Variants in SOD2 observed in about 807,000 individuals in gnomAD.
SOD2 encodes superoxide dismutase [Mn], mitochondrial.
Under a neutral mutation model 27.0 loss-of-function variants are expected in SOD2, and 11 were observed. The ratio of observed to expected loss-of-function variants is 0.41; its 90% CI spans 0.26 to 0.67. SOD2 has a LOEUF of 0.67. Among genes scored for constraint, SOD2 ranks in the 30% least tolerant of loss-of-function variants. The pLI is 0.34. For missense variants in SOD2, 250 were observed against 274.5 expected (o/e 0.91, Z 0.63); for synonymous variants, 105 against 103.0 (o/e 1.02, Z -0.12).
chr6:159,701,123 C>T (rs1777516100), intron 1 of SOD2, among the ~76,000 whole-genome samples: 1 of 152,152 alleles, frequency 6.6e-6, no homozygotes, highest in Non-Finnish European at 1.5e-5. Context: ...CACCTGCTTC[C>T]TCTCCAGGCC....
At chr6:159,729,357 C>T (rs759676724), upstream of SOD2, among the ~76,000 whole-genome samples, 3 of 152,108 alleles carry the variant, frequency 2.0e-5, no homozygotes, top group Non-Finnish European at 2.9e-5. Flanking sequence ...AAATATTTTG[C>T]TTCTTGTAGT....
At chr6:159,701,726 T>G (rs1777526204) in intron 1 of SOD2, among the ~76,000 whole-genome samples, 2 of 152,198 alleles carry the variant, frequency 1.3e-5, no homozygotes, top group African/African-American at 4.8e-5. Flanking sequence ...TAGTCACACA[T>G]CAGTGCTATG....
intron 2 of SOD2, 40 bp from the exon 3 acceptor site, chr6:159,688,282 T>C (rs917902268): frequency 8.2e-7 from 1 of 1,218,908 alleles, no homozygotes; most frequent in African/African-American, 1.5e-5. Flanking sequence ...TTGTAACTCC[T>C]ACTTTTTCAA....
intron 1 of SOD2, among the ~76,000 whole-genome samples, chr6:159,700,166 G>A (rs1335209075): frequency 6.6e-6 from 1 of 152,216 alleles, no homozygotes; most frequent in African/African-American, 2.4e-5. Flanking sequence ...TCAGTTAGAT[G>A]TGGACAAAAC....
At chr6:159,732,561 G>A (rs549347438) in intron 1 of SOD2, among the ~76,000 whole-genome samples, 1 of 152,208 alleles carries the variant, frequency 6.6e-6, no homozygotes, top group Non-Finnish European at 1.5e-5. Flanking sequence ...TTGGCCGGGC[G>A]CAGTAGCTTA....
chr6:159,707,586 A>G (rs1562434883), intron 1 of SOD2, among the ~76,000 whole-genome samples: 1 of 152,226 alleles, frequency 6.6e-6, no homozygotes, highest in Non-Finnish European at 1.5e-5. Context: ...GAATCTCTGA[A>G]TAGACCAATA....
rs1779734200 is a variant in SOD2 at position 159,674,559 on chromosome 6, A to C, written c.*7934T>G. 6.6e-6 allele frequency: 1 copy of C among 152,248 alleles called. No homozygotes were observed. Among genetic ancestry groups the C allele is most frequent in the Non-Finnish European group, 1.5e-5 (1 of 68,044 alleles). 9.4% of individuals were successfully genotyped at this position (152,248 alleles called of 1,614,324 possible). Reference sequence around the variant, plus strand: ...CAAAATTCAACAGCCCTTCATGCTAAAAACTCTCAATGAATTAGGTATTGA... The same window carrying C: ...CAAAATTCAACAGCCCTTCATGCTACAAACTCTCAATGAATTAGGTATTGA... On this transcript the variant is annotated 3_prime_UTR_variant, in exon 5 of 5. Coordinates refer to ENST00000538183, the MANE Select transcript of SOD2 (RefSeq NM_000636.4).
intron 1 of SOD2, among the ~76,000 whole-genome samples, chr6:159,753,054 T>C (rs1291021338): frequency 6.6e-6 from 1 of 152,250 alleles, no homozygotes; most frequent in African/African-American, 2.4e-5. Context: ...TATTTGTGAT[T>C]GATGTTGCAT....
At chr6:159,690,097 G>A (rs748055271) in intron 2 of SOD2, among the ~76,000 whole-genome samples, 27 of 150,514 alleles carry the variant, frequency 1.8e-4, no homozygotes, top group Non-Finnish European at 3.4e-4. Context: ...CAGCCTGGAC[G>A]ACATGGAAAA....
At chr6:159,738,831 TA>T (rs373027980) in intron 1 of SOD2, among the ~76,000 whole-genome samples, 8,355 of 145,696 alleles carry the variant, frequency 0.057, 385 homozygotes, top group African/African-American at 0.13. Context: ...TAGTTTACCT[TA>T]AAAAAAAAAA....
At chr6:159,760,884 A>C (rs2114969929) in intron 1 of SOD2, 1 of 152,350 alleles carries the variant, frequency 6.6e-6, no homozygotes, top group South Asian at 2.1e-4. Context: ...ATTGAAGACA[A>C]CTGAAGAGAC....
intron 4 of SOD2, among the ~76,000 whole-genome samples, chr6:159,683,045 C>T (rs1350962211): frequency 6.6e-6 from 1 of 152,134 alleles, no homozygotes; most frequent in Non-Finnish European, 1.5e-5. Flanking sequence ...GGTCTGGGCA[C>T]TCACAGGGGT....
intron 1 of SOD2, chr6:159,754,955 G>GT (rs1779950818): frequency 7.1e-7 from 1 of 1,413,702 alleles, no homozygotes; most frequent in African/African-American, 1.4e-5. Context: ...CCCTTGCTTT[G>GT]TGGCAGGCAC....
intron 1 of SOD2, among the ~76,000 whole-genome samples, chr6:159,708,885 C>A (rs1217808842): frequency 8.5e-5 from 13 of 152,186 alleles, no homozygotes; most frequent in Non-Finnish European, 1.6e-4. Flanking sequence ...ACTACAGTAA[C>A]CAAAACAGCA....
chr6:159,726,857 A>G (rs773148437), intron 1 of SOD2: 14 of 1,289,094 alleles, frequency 1.1e-5, no homozygotes, highest in Non-Finnish European at 1.4e-5. Flanking sequence ...CTTACAGGTG[A>G]GCTTCTGCTA....
At chr6:159,732,945 T>C (rs1232329828) in intron 1 of SOD2, among the ~76,000 whole-genome samples, 1 of 150,030 alleles carries the variant, frequency 6.7e-6, no homozygotes, top group African/African-American at 2.5e-5. Flanking sequence ...TCCAGACAAA[T>C]GGGAAATTAC....
At chr6:159,740,528 C>T (rs1308392274) in intron 1 of SOD2, among the ~76,000 whole-genome samples, 1 of 152,042 alleles carries the variant, frequency 6.6e-6, no homozygotes, top group East Asian at 1.9e-4. Context: ...TAAAATAAAT[C>T]GTTCTTTTAT....
rs1337405444 is a variant in SOD2 at position 159,674,525 on chromosome 6, G to A, written c.*7968C>T. On this transcript the variant is annotated 3_prime_UTR_variant, in exon 5 of 5. Transcript: ENST00000538183. ...TGATTATCTCAACAGATGCAGAAAA[G>A]GCCTTGGACAAAATTCAACAGCCCT... 6.6e-6 allele frequency: 1 copy of A among 152,164 alleles called. No individual in the cohort carries two copies. The allele number at this position is 152,164 out of a possible 1,614,324, so 9.4% of individuals were successfully genotyped here. A position where few individuals can be genotyped will look rare whatever the true frequency, so the allele number is the denominator to read the frequency against.
At position 159,724,176 on chromosome 6, in the gene SOD2, G is replaced by C. The variant is rs569412775; in HGVS notation, c.-116+2953C>G. 2.6e-5 allele frequency among the ~76,000 whole-genome samples: 4 copies of C among 151,776 alleles called. No individual in the cohort carries two copies. The East Asian group carries it at 7.8e-4, about 30-fold the overall frequency. ...ATTGTTTTAAATTTTTTAAAAAATG[G>C]AGACAGGGTCTTGCTATGTTGCCCA... is the stretch of plus-strand genomic sequence containing the variant. On this transcript the variant is annotated intron_variant, in intron 1 of 2. Coordinates refer to the SOD2 transcript ENST00000401980.
Sources: allele counts gnomAD v4.1 joint callset (sites outside exome capture counted in the v4.1 genomes callset), GRCh38; gene constraint gnomAD v4.1.1; transcripts MANE v1.5; gene names NCBI Gene and HGNC (gene_info 2026-07-23, HGNC 2026-07-21).